The following SKI variants were observed in gnomAD, a reference collection of about 807,000 sequenced individuals.
SKI encodes the protein SKI proto-oncogene.
A neutral mutation model predicts 59.3 loss-of-function variants in SKI; 23 were observed. The observed-to-expected ratio is 0.39, with a 90% CI of 0.28 to 0.55. The LOEUF (loss-of-function observed/expected upper bound fraction) is 0.55. SKI is among the 20% of genes least tolerant of loss of function. SKI has a pLI of 0.67. For synonymous variants in SKI, 673 were observed against 488.6 expected, an observed-to-expected ratio of 1.38 and a Z score of -4.98; for missense variants, 1,017 against 1,038.9, an observed-to-expected ratio of 0.98 and a Z score of 0.29.
chr1:2,253,020 C>T (rs1169125716), intron 1 of SKI, among the ~76,000 whole-genome samples: 3 of 151,116 alleles, frequency 2.0e-5, no homozygotes, highest in Admixed American at 6.6e-5. Flanking sequence ...AGCTTGAATC[C>T]GGGAGGCAGA....
At chr1:2,305,390 A>T (rs1362403903) in intron 5 of SKI, among the ~76,000 whole-genome samples, 1 of 152,110 alleles carries the variant, frequency 6.6e-6, no homozygotes, top group Admixed American at 6.5e-5. Flanking sequence ...TTAGCACAAC[A>T]CAACCCCGTC....
chr1:2,306,424 C>T (rs57825631), intron 6 of SKI, among the ~76,000 whole-genome samples, 153 bp from the exon 7 acceptor site: 1 of 152,168 alleles, frequency 6.6e-6, no homozygotes, highest in Non-Finnish European at 1.5e-5. Context: ...GGCCCTGCGT[C>T]TCGTGAGCCT....
chr1:2,285,104 A>G (rs1456350560), intron 1 of SKI, among the ~76,000 whole-genome samples: 1 of 152,162 alleles, frequency 6.6e-6, no homozygotes. Flanking sequence ...GATAGGTGTC[A>G]TGCGGCAGTT....
intron 1 of SKI, among the ~76,000 whole-genome samples, chr1:2,287,145 CG>C (rs924596828): frequency 6.6e-6 from 1 of 152,092 alleles, no homozygotes; most frequent in Non-Finnish European, 1.5e-5. Flanking sequence ...CCCTCCCGCC[CG>C]GGGTGCCCTG....
At chr1:2,244,803 C>T (rs1569705613) in intron 1 of SKI, among the ~76,000 whole-genome samples, 1 of 152,130 alleles carries the variant, frequency 6.6e-6, no homozygotes, top group African/African-American at 2.4e-5. Flanking sequence ...GTGTTGAACA[C>T]ATAGGCTGAC....
chr1:2,264,634 A>C (rs1342763472), intron 1 of SKI, among the ~76,000 whole-genome samples: 1 of 151,886 alleles, frequency 6.6e-6, no homozygotes, highest in Non-Finnish European at 1.5e-5. Flanking sequence ...ACTTGGACTC[A>C]AGCAGTCTGC....
At position 2,284,747 on chromosome 1, in the gene SKI, G is replaced by A. The variant is rs565029680; in HGVS notation, c.970-18231G>A. Reference sequence around the variant, plus strand: ...GAGGGCTCCAGGCAGGGAAGAGTCAGGGAGGGGTGGATGGCCGGCGTGGCT... The same window carrying A: ...GAGGGCTCCAGGCAGGGAAGAGTCAAGGAGGGGTGGATGGCCGGCGTGGCT... On this transcript the variant is annotated intron_variant, in intron 1 of 6. Coordinates refer to ENST00000378536, the MANE Select transcript of SKI (RefSeq NM_003036.4). Among the ~76,000 whole-genome samples, 6 of 152,344 alleles carry A rather than the reference G, an allele frequency of 3.9e-5. No individual in the cohort carries two copies. The South Asian group carries it at 1.2e-3, about 32-fold the overall frequency.
At chr1:2,300,580 C>G (rs1403633438) in intron 1 of SKI, among the ~76,000 whole-genome samples, 1 of 152,196 alleles carries the variant, frequency 6.6e-6, no homozygotes, top group African/African-American at 2.4e-5. Flanking sequence ...TTTGAGAAAC[C>G]AATACTGCTC....
intron 1 of SKI, among the ~76,000 whole-genome samples, chr1:2,250,461 CTT>C (rs1250156937): frequency 1.3e-5 from 2 of 152,202 alleles, no homozygotes; most frequent in Non-Finnish European, 2.9e-5. Flanking sequence ...TGGTTTGGGT[CTT>C]TTTATTTTGA....
At chr1:2,302,584 CTAGGAAAGGGGTTT>C (rs746021066) in intron 1 of SKI, among the ~76,000 whole-genome samples, 98 of 151,004 alleles carry the variant, frequency 6.5e-4, no homozygotes, top group Non-Finnish European at 1.1e-3. Context: ...CACTCGGGTT[CTAGGAAAGGGGTTT>C]GGCAGGAGAA....
Position 2,229,781 on chromosome 1 carries a change from G to T in SKI, c.969+46G>T. On this transcript the variant is annotated intron_variant, in intron 1 of 6. Transcript: ENST00000378536. The surrounding 1 kb of genome is among the most constrained non-coding windows in gnomAD (Gnocchi z 6.3). ...GAGCTGGGGAGGATGCGCTTGGGGT[G>T]GGGGCCCCTTCTGGACTACAGGCTC... 1 of 1,549,676 alleles carries T rather than the reference G, an allele frequency of 6.5e-7. No homozygotes were observed. Among genetic ancestry groups the T allele is most frequent in the South Asian group, 1.2e-5 (1 of 83,534 alleles).
rs368770641 is a variant in SKI, at chr1:2,304,376, G to A, written c.1558G>A (p.Ala520Thr). Reference sequence around the variant, plus strand: ...GGACCTGGGCTCCCCGGGTGCGCGTGCCCTGCCCTCGGCCGTCCCTGATGC... The same window carrying A: ...GGACCTGGGCTCCCCGGGTGCGCGTACCCTGCCCTCGGCCGTCCCTGATGC... ...AKDLGSPGAR[A>T]LPSAVPDAAA... The change falls in exon 5 of 7, where the codon GCC (alanine) becomes ACC (threonine). Residue 520 changes from alanine to threonine, a missense_variant. By Grantham distance (58) the Ala-to-Thr change is moderately conservative. Transcript: ENST00000378536. 3.9e-6 allele frequency: 6 copies of A among 1,551,812 alleles called. No homozygotes were observed. Among genetic ancestry groups the A allele is most frequent in the Admixed American group, 3.9e-5 (2 of 51,184 alleles).
intron 1 of SKI, among the ~76,000 whole-genome samples, chr1:2,280,375 C>CAA (rs34527294): frequency 3.5e-4 from 49 of 140,862 alleles, no homozygotes; most frequent in South Asian, 6.8e-4. Flanking sequence ...GCGTCTGTCT[C>CAA]AAAAAAAAAA....
chr1:2,279,755 C>T (rs1639831697), intron 1 of SKI, among the ~76,000 whole-genome samples: 1 of 152,182 alleles, frequency 6.6e-6, no homozygotes, highest in African/African-American at 2.4e-5. Context: ...CACTCTGTCG[C>T]CCAGGCTGGA....
At chr1:2,286,583 ATAAT>A (rs1327330368) in intron 1 of SKI, among the ~76,000 whole-genome samples, 1 of 152,258 alleles carries the variant, frequency 6.6e-6, no homozygotes, top group Non-Finnish European at 1.5e-5. Context: ...CCCAAATATA[ATAAT>A]TAAAGTGCGT....
intron 1 of SKI, among the ~76,000 whole-genome samples, chr1:2,263,010 C>T (rs1639420981): frequency 6.6e-6 from 1 of 151,968 alleles, no homozygotes; most frequent in African/African-American, 2.4e-5. Flanking sequence ...AATGATTCTC[C>T]TGCCTCAGCC....
chr1:2,303,978 C>T lies in SKI; in HGVS notation c.1350C>T (p.Thr450=). 1.2e-6 allele frequency: 2 copies of T among 1,612,502 alleles called. No individual in the cohort carries two copies. The highest frequency in any genetic ancestry group is 1.7e-4 in the Middle Eastern group (1 of 6,060). Residue 450 remains threonine, a synonymous_variant, in exon 4 of 7, where the codon ACC becomes ACT. Transcript: ENST00000378536. This position sits in a 1 kb window ranked among gnomAD's most constrained non-coding sequence, Gnocchi z 5.6. Reference sequence around the variant, plus strand: ...CCCCCGAGCCTCTCGCCACTTGCACCCAGCCTCGGAAGCGGAAGCTGACTG... The same window carrying T: ...CCCCCGAGCCTCTCGCCACTTGCACTCAGCCTCGGAAGCGGAAGCTGACTG... ...SRAPEPLATC[T]QPRKRKLTVD... is the part of the protein sequence containing the mutation.
Position 2,306,867 on chromosome 1 carries a change from A to C in SKI, c.*102A>C, listed in dbSNP as rs960507798. 1.2e-4 allele frequency: 96 copies of C among 783,858 alleles called. No homozygotes were observed. The highest frequency in any genetic ancestry group is 1.6e-4 in the Non-Finnish European group (92 of 573,314). 48.6% of individuals were successfully genotyped at this position (783,858 alleles called of 1,614,324 possible). On this transcript the variant is annotated 3_prime_UTR_variant, in exon 7 of 7. Transcript: ENST00000378536. ...GCTCCGCCCCTGCAGCCCACACAGC[A>C]CAACGTCTTACCGTGCCTATTACCA...
chr1:2,247,457 G>C (rs1030685135), intron 1 of SKI, among the ~76,000 whole-genome samples: 1 of 152,176 alleles, frequency 6.6e-6, no homozygotes, highest in Non-Finnish European at 1.5e-5. Flanking sequence ...AGTTCTTTTA[G>C]CAAAATGATG....
Sources: allele counts gnomAD v4.1 joint callset (sites outside exome capture counted in the v4.1 genomes callset), GRCh38; gene constraint gnomAD v4.1.1; non-coding constraint Gnocchi (gnomAD v3.1); transcripts MANE v1.5; gene names NCBI Gene and HGNC (gene_info 2026-07-23, HGNC 2026-07-21).